The following PLPP4 variants were observed in gnomAD, a reference collection of about 807,000 sequenced individuals.
PLPP4 encodes the protein phospholipid phosphatase 4, also known as diacylglycerol pyrophosphate like 2.
Under a neutral mutation model 32.2 loss-of-function variants are expected in PLPP4, and 20 were observed. The ratio of observed to expected loss-of-function variants is 0.62; its 90% CI spans 0.44 to 0.90. The LOEUF (loss-of-function observed/expected upper bound fraction) is 0.90, where lower values mean the gene tolerates loss of function less well. PLPP4 is among the 40% of genes least tolerant of loss of function. The pLI is 0.00. For synonymous variants in PLPP4, 127 were observed against 133.0 expected (o/e 0.95, Z 0.31); for missense variants, 257 against 353.1 (o/e 0.73, Z 2.18).
At chr10:120,503,562 C>A in intron 1 of PLPP4, 1 of 1,606,994 alleles carries the variant, frequency 6.2e-7, no homozygotes, top group Non-Finnish European at 8.5e-7. Context: ...TCTTTGTACA[C>A]ACAAAGCTAC....
intron 1 of PLPP4, among the ~76,000 whole-genome samples, chr10:120,474,350 C>T (rs1293297740): frequency 6.6e-6 from 1 of 152,060 alleles, no homozygotes; most frequent in South Asian, 2.1e-4. Flanking sequence ...TTCAAATGAC[C>T]TCACTTTGTC....
At chr10:120,538,886 A>G (rs769092345) in intron 5 of PLPP4, among the ~76,000 whole-genome samples, 1 of 152,208 alleles carries the variant, frequency 6.6e-6, no homozygotes, top group Non-Finnish European at 1.5e-5. Context: ...GTTTGTCTCA[A>G]TCTCAACAGC....
chr10:120,526,423 G>A (rs1846393616), intron 5 of PLPP4, among the ~76,000 whole-genome samples: 1 of 152,152 alleles, frequency 6.6e-6, no homozygotes, highest in African/African-American at 2.4e-5. Flanking sequence ...GGTGACTGGT[G>A]TGAGCTGGGT....
Position 120,546,725 on chromosome 10 carries a change from C to T in PLPP4, c.445+25630C>T, listed in dbSNP as rs80188948. 6.6e-4 allele frequency among the ~76,000 whole-genome samples: 100 copies of T among 152,284 alleles called. 1 individual carries two copies. The East Asian group carries it at 0.016, about 25-fold the overall frequency. ...GTTGAGAAAATGCATCCACATCCTGCCTACCCATCTGTCAGGTCTGGATTC... is the reference window on the plus strand; with the variant it reads ...GTTGAGAAAATGCATCCACATCCTGTCTACCCATCTGTCAGGTCTGGATTC... On this transcript the variant is annotated intron_variant, in intron 5 of 6. Coordinates refer to ENST00000398250, the MANE Select transcript of PLPP4 (RefSeq NM_001030059.3).
At chr10:120,533,060 A>G (rs1846815353) in intron 5 of PLPP4, among the ~76,000 whole-genome samples, 1 of 152,214 alleles carries the variant, frequency 6.6e-6, no homozygotes, top group African/African-American at 2.4e-5. Flanking sequence ...ATTGATGGGC[A>G]TATGGTAACT....
intron 5 of PLPP4, among the ~76,000 whole-genome samples, chr10:120,574,164 ACACACTCTCTCTCTCTCTCTCT>A (rs1324895152): frequency 0.013 from 875 of 67,342 alleles, 12 homozygotes; most frequent in African/African-American, 0.05. Context: ...ACACACACAC[ACACACTCTCTCTCTCTCTCTCT>A]CTCTCTCTCT....
intron 1 of PLPP4, among the ~76,000 whole-genome samples, chr10:120,458,140 C>A (rs1265964712): frequency 6.6e-6 from 1 of 152,146 alleles, no homozygotes; most frequent in Non-Finnish European, 1.5e-5. Context: ...CATTGACTTC[C>A]AGGGCCCAAG....
intron 1 of PLPP4, among the ~76,000 whole-genome samples, chr10:120,496,850 A>T (rs1844985903): frequency 6.6e-6 from 1 of 152,076 alleles, no homozygotes; most frequent in South Asian, 2.1e-4. Flanking sequence ...AACCAACAAG[A>T]GCATGGGAGT....
intron 5 of PLPP4, among the ~76,000 whole-genome samples, chr10:120,555,672 T>A (rs1463206204): frequency 6.6e-6 from 1 of 152,206 alleles, no homozygotes; most frequent in Admixed American, 6.5e-5. Flanking sequence ...AGTGCCTGCC[T>A]GTTTGAATGA....
chr10:120,501,810 T>G (rs1845267153), intron 1 of PLPP4, among the ~76,000 whole-genome samples: 1 of 152,222 alleles, frequency 6.6e-6, no homozygotes, highest in South Asian at 2.1e-4. Flanking sequence ...GTCTTAGGTC[T>G]GTGGTAGGGT....
chr10:120,501,714 T>TGGACCCC (rs1589775257), intron 1 of PLPP4, among the ~76,000 whole-genome samples: 2 of 152,226 alleles, frequency 1.3e-5, no homozygotes, highest in Admixed American at 1.3e-4. Context: ...AGGTATCATT[T>TGGACCCC]AGTTCAATGC....
intron 5 of PLPP4, among the ~76,000 whole-genome samples, chr10:120,541,056 GA>G (rs1342362792): frequency 1.3e-5 from 2 of 152,290 alleles, no homozygotes; most frequent in Middle Eastern, 3.4e-3. Context: ...CGTGTCAAAA[GA>G]ATGCCTTTTT....
At chr10:120,555,132 G>T (rs1460380674) in intron 5 of PLPP4, among the ~76,000 whole-genome samples, 1 of 151,912 alleles carries the variant, frequency 6.6e-6, no homozygotes, top group African/African-American at 2.4e-5. Context: ...AGGTAAAGGA[G>T]AATAAACTAA....
chr10:120,589,184 G>A, intron 6 of PLPP4, 119 bp from the exon 7 acceptor site: 2 of 896,734 alleles, frequency 2.2e-6, no homozygotes, highest in East Asian at 2.4e-5. Flanking sequence ...GTCTTTCAGG[G>A]GGTCCTGTAA....
intron 1 of PLPP4, among the ~76,000 whole-genome samples, chr10:120,482,866 C>T (rs191745012): frequency 4.5e-4 from 68 of 152,122 alleles, no homozygotes; most frequent in Admixed American, 2.0e-3. Context: ...GAGCCGAGAT[C>T]GCACCACTGC....
chr10:120,572,707 A>G (rs907585541), intron 5 of PLPP4, among the ~76,000 whole-genome samples: 18 of 152,352 alleles, frequency 1.2e-4, no homozygotes, highest in Admixed American at 5.9e-4. Context: ...GATGGGATCA[A>G]TACCAATGGG....
intron 1 of PLPP4, among the ~76,000 whole-genome samples, chr10:120,472,752 A>C (rs2133797326): frequency 6.6e-6 from 1 of 152,048 alleles, no homozygotes; most frequent in South Asian, 2.1e-4. Context: ...AATGTCCTAC[A>C]GATCTTGGAT....
chr10:120,528,717 G>C (rs1339518482), intron 5 of PLPP4, among the ~76,000 whole-genome samples: 11 of 152,114 alleles, frequency 7.2e-5, no homozygotes, highest in Admixed American at 7.2e-4. Context: ...CAAGTCCCTG[G>C]AGGGAATGGT....
chr10:120,482,345 A>G (rs569785902), intron 1 of PLPP4, among the ~76,000 whole-genome samples: 1 of 152,336 alleles, frequency 6.6e-6, no homozygotes, highest in African/African-American at 2.4e-5. Context: ...GTGGTCTCAG[A>G]TGGAGATGAG....
Sources: gnomAD v4.1 joint callset for allele counts (sites outside exome capture counted in the v4.1 genomes callset) on GRCh38, gnomAD v4.1.1 for gene constraint, MANE v1.5 for transcripts, NCBI Gene and HGNC (gene_info 2026-07-23, HGNC 2026-07-21) for gene names.